The following GJA1 variants were observed in gnomAD, a reference collection of about 807,000 sequenced individuals.
The protein encoded by GJA1 is gap junction protein alpha 1, also known as gap junction alpha-1 protein.
Under a neutral mutation model 31.0 loss-of-function variants are expected in GJA1, and 9 were observed. That is an observed-to-expected ratio of 0.29 (90% CI 0.17 to 0.51). The LOEUF is 0.51. Among genes scored for constraint, GJA1 ranks in the 20% least tolerant of loss-of-function variants. GJA1 has a pLI of 0.98. For synonymous variants in GJA1, 186 were observed against 180.1 expected (o/e 1.03, Z -0.26); for missense variants, 278 against 468.8 (o/e 0.59, Z 3.76).
In GJA1 at chr6:121,447,408, C is replaced by T. The variant is rs1353204247; in HGVS notation, c.561C>T (p.Cys187=). The T allele has an allele frequency of 6.2e-7, 1 of 1,613,926 alleles. No individual in the cohort carries two copies. The highest frequency in any genetic ancestry group is 2.2e-5 in the East Asian group (1 of 44,874). Residue 187 remains cysteine (C), a synonymous_variant, in exon 2 of 2, where the codon TGC becomes TGT. Coordinates refer to ENST00000282561, the MANE Select transcript of GJA1 (RefSeq NM_000165.5). ...TCAGCTTGAGTGCTGTTTACACTTG[C>T]AAAAGAGATCCCTGCCCACATCAGG... The part of the protein sequence containing the change: ...YGFSLSAVYT[C]KRDPCPHQVD...
chr6:121,436,922 A>T (rs2114268421), intron 1 of GJA1, among the ~76,000 whole-genome samples: 1 of 152,360 alleles, frequency 6.6e-6, no homozygotes, highest in South Asian at 2.1e-4. Context: ...TTCATCAGAA[A>T]TGCAGCCATG....
chr6:121,447,319 A>T lies in GJA1; in HGVS notation c.472A>T (p.Ser158Cys). ...RGGLLRTYII[S>C]ILFKSIFEVA... Reference sequence around the variant, plus strand: ...GGGGTTGCTGCGAACCTACATCATCAGTATCCTCTTCAAGTCTATCTTTGA... The same window carrying T: ...GGGGTTGCTGCGAACCTACATCATCTGTATCCTCTTCAAGTCTATCTTTGA... The change falls in exon 2 of 2, where the codon AGT becomes TGT. Residue 158 changes from serine (S) to cysteine (C), a missense_variant. This residue lies in a region of GJA1 where 80 missense variants were observed against 163.5 expected (regional missense o/e 0.49). Coordinates refer to ENST00000282561, the MANE Select transcript of GJA1 (RefSeq NM_000165.5). 6.2e-7 allele frequency: 1 copy of T among 1,614,120 alleles called. No individual in the cohort carries two copies. The highest frequency in any genetic ancestry group is 1.3e-5 in the African/African-American group (1 of 75,048).
At chr6:121,441,276 A>G (rs1227965961) in intron 1 of GJA1, among the ~76,000 whole-genome samples, 1 of 151,848 alleles carries the variant, frequency 6.6e-6, no homozygotes, top group Non-Finnish European at 1.5e-5. Flanking sequence ...TTTAGTAGAG[A>G]TGGGATTTCA....
chr6:121,441,004 G>T (rs987909120), intron 1 of GJA1, among the ~76,000 whole-genome samples: 3 of 151,520 alleles, frequency 2.0e-5, no homozygotes, highest in Admixed American at 6.6e-5. Context: ...GTGCAGTGGC[G>T]CGATCCCGGC....
chr6:121,440,912 T>TTTGTTG (rs59447853), intron 1 of GJA1, among the ~76,000 whole-genome samples: 113 of 142,298 alleles, frequency 7.9e-4, no homozygotes, highest in Middle Eastern at 3.6e-3. Context: ...TGGCTACTTT[T>TTTGTTG]TTGTTGTTGT....
chr6:121,447,988 G>T lies in GJA1; in HGVS notation c.1141G>T (p.Glu381Ter). The T allele has an allele frequency of 6.2e-7, 1 of 1,611,244 alleles. No individual in the cohort carries two copies. The highest frequency in any genetic ancestry group is 8.5e-7 in the Non-Finnish European group (1 of 1,178,966). Reference sequence around the variant, plus strand: ...CAGCAGACCTCGGCCTGATGACCTGGAGATCTAGATACAGGCTTGAAAGCA... The same window carrying T: ...CAGCAGACCTCGGCCTGATGACCTGTAGATCTAGATACAGGCTTGAAAGCA... ...ASSRPRPDDL[E>*]I The change falls in exon 2 of 2, where the codon GAG becomes TAG. Residue 381 changes from glutamate (E) to a stop codon, truncating the protein, a stop_gained. Transcript: ENST00000282561. LOFTEE classifies it high-confidence loss of function.
At chr6:121,438,184 T>TC (rs1307392188) in intron 1 of GJA1, among the ~76,000 whole-genome samples, 1 of 152,196 alleles carries the variant, frequency 6.6e-6, no homozygotes, top group African/African-American at 2.4e-5. Flanking sequence ...GCTTTGTACT[T>TC]CCCAAAGTCA....
intron 1 of GJA1, among the ~76,000 whole-genome samples, chr6:121,444,315 G>A (rs1672447115): frequency 6.6e-6 from 1 of 152,058 alleles, no homozygotes; most frequent in Non-Finnish European, 1.5e-5. Flanking sequence ...ATGACCACTG[G>A]GGGAGTGTTA....
In GJA1 at chr6:121,447,126, G is replaced by A. The variant is rs752276109; in HGVS notation, c.279G>A (p.Leu93=). The A allele has an allele frequency of 3.7e-6, 6 of 1,613,834 alleles. No individual in the cohort carries two copies. The South Asian group carries it at 6.6e-5, about 18-fold the overall frequency. The change falls in exon 2 of 2, where the codon CTG becomes CTA. Residue 93 remains leucine, a synonymous_variant. Transcript: ENST00000282561. ...TGTCTGTACCCACACTCTTGTACCT[G>A]GCTCATGTGTTCTATGTGATGCGAA... ...IFVSVPTLLY[L]AHVFYVMRKE...
chr6:121,445,614 A>G (rs905019053), intron 1 of GJA1, among the ~76,000 whole-genome samples: 2 of 152,220 alleles, frequency 1.3e-5, no homozygotes, highest in African/African-American at 4.8e-5. Flanking sequence ...CTGGCTGGAG[A>G]AAACACCCTG....
chr6:121,438,839 C>G (rs1433302068), intron 1 of GJA1, among the ~76,000 whole-genome samples: 3 of 151,992 alleles, frequency 2.0e-5, no homozygotes, highest in Non-Finnish European at 4.4e-5. Flanking sequence ...TTGTCTAAAC[C>G]TCCATCTAAA....
In GJA1 at chr6:121,448,616, A is replaced by G. The variant is rs1773931120; in HGVS notation, c.*620A>G. On this transcript the variant is annotated 3_prime_UTR_variant, in exon 2 of 2. Coordinates refer to ENST00000282561, the MANE Select transcript of GJA1 (RefSeq NM_000165.5). ...CAAGGCCCACAGAATAAGATTTTCC[A>G]TGCATTTGCAAATACGTATATTCTT... is the stretch of plus-strand genomic sequence containing the variant. 1 of 169,364 alleles carries G rather than the reference A, an allele frequency of 5.9e-6. No individual in the cohort carries two copies. Among genetic ancestry groups the G allele is most frequent in the African/African-American group, 2.4e-5 (1 of 41,446 alleles). The allele number at this position is 169,364 out of a possible 1,614,324, so 10.5% of individuals were successfully genotyped here.
In GJA1 at chr6:121,447,710, T is replaced by C; in HGVS notation, c.863T>C (p.Leu288Pro). 1 of 1,614,098 alleles carries C rather than the reference T, an allele frequency of 6.2e-7. No homozygotes were observed. Among genetic ancestry groups the C allele is most frequent in the Non-Finnish European group, 8.5e-7 (1 of 1,180,012 alleles). The change falls in exon 2 of 2, where the codon CTG becomes CCG. Residue 288 changes from leucine to proline, a missense_variant. Transcript: ENST00000282561. ...LSPMSPPGYK[L>P]VTGDRNNSSC... ...CCTATGTCTCCTCCTGGGTACAAGC[T>C]GGTTACTGGCGACAGAAACAATTCT...
chr6:121,448,476 A>G lies in GJA1; in HGVS notation c.*480A>G, dbSNP rs1458642889. On this transcript the variant is annotated 3_prime_UTR_variant, in exon 2 of 2. Coordinates refer to ENST00000282561, the MANE Select transcript of GJA1 (RefSeq NM_000165.5). ...ATTGTCCTTAAGTCCCTGCTAAAAC[A>G]TTCCATTGTTAAAATTTGCACTTTG... 5.5e-6 allele frequency: 1 copy of G among 183,254 alleles called. No homozygotes were observed. The highest frequency in any genetic ancestry group is 2.4e-5 in the African/African-American group (1 of 41,724). The allele number at this position is 183,254 out of a possible 1,614,324, so 11.4% of individuals were successfully genotyped here.
At position 121,448,726 on chromosome 6, in the gene GJA1, AAC is replaced by A; in HGVS notation, c.*732_*733del. On this transcript the variant is annotated 3_prime_UTR_variant, in exon 2 of 2. Transcript: ENST00000282561. ...TCACATTCATTTAATGGTTTCTGTAAACATTTTTAAGACAGTTGGGATGTCAC... is the reference window on the plus strand; with the variant it reads ...TCACATTCATTTAATGGTTTCTGTAAATTTTTAAGACAGTTGGGATGTCAC... The A allele has an allele frequency of 6.0e-6, 1 of 166,644 alleles. No homozygotes were observed. Among genetic ancestry groups the A allele is most frequent in the South Asian group, 2.1e-4 (1 of 4,834 alleles). 10.3% of individuals were successfully genotyped at this position (166,644 alleles called of 1,614,324 possible).
At chr6:121,438,629 A>G (rs1045103298) in intron 1 of GJA1, among the ~76,000 whole-genome samples, 2 of 152,206 alleles carry the variant, frequency 1.3e-5, no homozygotes, top group African/African-American at 4.8e-5. Context: ...GTTCTGACTT[A>G]TCTTCAGGAT....
chr6:121,441,813 T>G (rs186759070), intron 1 of GJA1, among the ~76,000 whole-genome samples: 1 of 152,268 alleles, frequency 6.6e-6, no homozygotes, highest in East Asian at 1.9e-4. Context: ...AAACTGATGA[T>G]GGCTGAGATC....
intron 1 of GJA1, among the ~76,000 whole-genome samples, chr6:121,437,511 T>C (rs925025278): frequency 6.6e-6 from 1 of 151,778 alleles, no homozygotes; most frequent in Admixed American, 6.6e-5. Flanking sequence ...GCGGGGCGGC[T>C]CAAGGGGAAA....
intron 1 of GJA1, among the ~76,000 whole-genome samples, chr6:121,438,169 G>A (rs1773700860): frequency 6.6e-6 from 1 of 152,186 alleles, no homozygotes; most frequent in Non-Finnish European, 1.5e-5. Flanking sequence ...CCCCAGTGTG[G>A]GGGTGCTTTG....
Sources: gnomAD v4.1 joint callset for allele counts (sites outside exome capture counted in the v4.1 genomes callset) on GRCh38, gnomAD v4.1.1 for gene constraint, gnomAD v4.1.1 regional missense constraint, MANE v1.5 for transcripts, NCBI Gene and HGNC (gene_info 2026-07-23, HGNC 2026-07-21) for gene names.